HYKK: variants seen among roughly 807,000 people sequenced by gnomAD.
HYKK encodes 5-hydroxy-L-lysine kinase.
HYKK carries 19 observed loss-of-function variants against 29.7 expected under a neutral mutation model. That is an observed-to-expected ratio of 0.64 (90% CI 0.45 to 0.94). The LOEUF is 0.94. HYKK is among the 40% of genes least tolerant of loss of function. The probability of loss-of-function intolerance (pLI) is 0.00; values close to 1 mark genes in which losing one functional copy is unlikely to be tolerated. For synonymous variants in HYKK, 152 were observed against 158.1 expected (o/e 0.96, Z 0.29); for missense variants, 390 against 443.4 (o/e 0.88, Z 1.08).
intron 1 of HYKK, among the ~76,000 whole-genome samples, chr15:78,511,580 T>G (rs1207473030): frequency 1.3e-5 from 2 of 151,934 alleles, no homozygotes; most frequent in African/African-American, 4.8e-5. Context: ...ATACAAAAAA[T>G]TAGCCTGATA....
chr15:78,533,171 T>A, intron 4 of HYKK, 39 bp from the exon 5 acceptor site: 2 of 1,248,656 alleles, frequency 1.6e-6, no homozygotes, highest in Non-Finnish European at 2.3e-6. Flanking sequence ...TGAATTGGGA[T>A]ATTCAATAAC....
chr15:78,507,923 C>T (rs2052030247), intron 1 of HYKK, among the ~76,000 whole-genome samples: 1 of 152,172 alleles, frequency 6.6e-6, no homozygotes, highest in Admixed American at 6.5e-5. Context: ...GAGAAGCTGT[C>T]GAGGCCAGCC....
In HYKK at chr15:78,513,444, G is replaced by A. The variant is rs565308192; in HGVS notation, c.337+19G>A. 1.1e-5 allele frequency: 17 copies of A among 1,559,030 alleles called. No individual in the cohort carries two copies. Among genetic ancestry groups the A allele is most frequent in the South Asian group, 3.4e-5 (3 of 87,558 alleles). ...TCTGTAGGTAAGAGATGACCAATTC[G>A]CCGATCCATTACCTATCCAGACACA... is the stretch of plus-strand genomic sequence containing the variant. On this transcript the variant is annotated intron_variant, in intron 2 of 4. Transcript: ENST00000388988.
At chr15:78,518,779 G>A in intron 3 of HYKK, 1 of 321,060 alleles carries the variant, frequency 3.1e-6, no homozygotes, top group Non-Finnish European at 6.3e-6. Flanking sequence ...GCCAGGTATG[G>A]TGGCGGGCGC....
rs561121861 is a variant in HYKK, at chr15:78,525,282, A to G, written c.478-2098A>G. ...GCCATTCTCCTGCCTCAGCCTCCCAAGTAGCTGGGACTACAGGCACCCGCC... is the reference window on the plus strand; with the variant it reads ...GCCATTCTCCTGCCTCAGCCTCCCAGGTAGCTGGGACTACAGGCACCCGCC... On this transcript the variant is annotated intron_variant, in intron 3 of 4. Transcript: ENST00000388988. Among the ~76,000 whole-genome samples the G allele has an allele frequency of 1.1e-4, 17 of 151,152 alleles. No homozygotes were observed. In the East Asian group the frequency reaches 3.1e-3, roughly 28 times the overall value.
intron 1 of HYKK, among the ~76,000 whole-genome samples, chr15:78,508,580 T>C (rs2052037939): frequency 6.6e-6 from 1 of 152,050 alleles, no homozygotes. Context: ...ACTTGCTTCC[T>C]GCGGGCTTTT....
chr15:78,514,516 C>T (rs889613175), intron 2 of HYKK, among the ~76,000 whole-genome samples: 3 of 152,156 alleles, frequency 2.0e-5, no homozygotes, highest in Admixed American at 6.6e-5. Context: ...CAGTTATTGT[C>T]CTGTGTTGCA....
Position 78,533,520 on chromosome 15 carries a change from C to G in HYKK, c.972C>G (p.Cys324Trp). Residue 324 changes from cysteine (C) to tryptophan (W), a missense_variant, in exon 5 of 5, where the codon TGC becomes TGG. By Grantham distance (215) the Cys-to-Trp change is radical (BLOSUM62 -2). Transcript: ENST00000388988. ...CACTTGTCATGGCTGCATACTCTTG[C>G]CAGCTATACCCAGAGAACAAAGACT... ...CQSLVMAAYSCQLYPENKDYL... is the reference protein window; with the variant it reads ...CQSLVMAAYSWQLYPENKDYL... The G allele has an allele frequency of 1.9e-6, 3 of 1,614,086 alleles. No individual in the cohort carries two copies. Among genetic ancestry groups the G allele is most frequent in the Non-Finnish European group, 2.5e-6 (3 of 1,180,008 alleles).
At position 78,508,586 on chromosome 15, in the gene HYKK, C is replaced by CT. The variant is rs531008508; in HGVS notation, c.-6+920dup. Among the ~76,000 whole-genome samples the CT allele has an allele frequency of 2.5e-3, 386 of 152,110 alleles. 4 individuals are homozygous for CT. The highest frequency in any genetic ancestry group is 8.7e-3 in the African/African-American group (360 of 41,480). On this transcript the variant is annotated intron_variant, in intron 1 of 4. Transcript: ENST00000388988. ...GGAAATCACACTTGCTTCCTGCGGG[C>CT]TTTTTCAGGAGCTAAATACTGTTGG...
chr15:78,528,618 C>T (rs769867228), intron 4 of HYKK: 13 of 571,648 alleles, frequency 2.3e-5, no homozygotes, highest in African/African-American at 4.1e-5. Context: ...GCCTGGCCAA[C>T]GTGGTGAAAC....
chr15:78,523,022 A>G (rs1649507211), intron 3 of HYKK, among the ~76,000 whole-genome samples: 1 of 152,208 alleles, frequency 6.6e-6, no homozygotes. Context: ...ACTATTAGAG[A>G]GGCAGAGGCA....
At position 78,512,400 on chromosome 15, in the gene HYKK, C is replaced by CTT. The variant is rs902963099; in HGVS notation, c.-5-666_-5-665dup. Among the ~76,000 whole-genome samples the CTT allele has an allele frequency of 1.4e-3, 180 of 125,672 alleles. 3 individuals carry two copies. The highest frequency in any genetic ancestry group is 3.0e-3 in the African/African-American group (102 of 33,640). The allele number at this position is 125,672 out of a possible 152,430, so 82.4% of individuals were successfully genotyped here. A position where few individuals can be genotyped will look rare whatever the true frequency, so the allele number is the denominator to read the frequency against. On this transcript the variant is annotated intron_variant, in intron 1 of 4. Transcript: ENST00000388988. ...TTCTTTTTTTCTTTTTTTTCTTTTT[C>CTT]TTTTTTTTTTTTTTTTTTTGAGATG...
At chr15:78,517,075 G>GCATCA (rs1296662565) in intron 3 of HYKK, among the ~76,000 whole-genome samples, 1 of 1,784 alleles carries the variant, frequency 5.6e-4, no homozygotes, top group African/African-American at 1.8e-3. Context: ...GCTTGCATCA[G>GCATCA]GTCCTTTTCT....
intron 3 of HYKK, among the ~76,000 whole-genome samples, chr15:78,515,311 G>A (rs1298611100): frequency 6.6e-6 from 1 of 152,114 alleles, no homozygotes; most frequent in African/African-American, 2.4e-5. Context: ...GCCAGGTGTT[G>A]TGGCCCACGC....
intron 3 of HYKK, among the ~76,000 whole-genome samples, chr15:78,524,810 A>AAAAC (rs935560261): frequency 4.6e-5 from 7 of 152,106 alleles, no homozygotes; most frequent in Admixed American, 1.3e-4. Flanking sequence ...CTCTGCCTCA[A>AAAAC]AAACAAACAA....
intron 1 of HYKK, among the ~76,000 whole-genome samples, chr15:78,510,958 CTTTTTTT>C (rs923918603): frequency 3.3e-4 from 28 of 85,140 alleles, no homozygotes; most frequent in South Asian, 8.1e-4. Context: ...TCATGAGATT[CTTTTTTT>C]TTTTTTTTTT....
intron 2 of HYKK, among the ~76,000 whole-genome samples, chr15:78,513,870 C>T (rs1305452782): frequency 6.6e-6 from 1 of 152,186 alleles, no homozygotes; most frequent in East Asian, 1.9e-4. Flanking sequence ...CAGCTCACTG[C>T]AGCCTTGACC....
chr15:78,516,384 C>G (rs1292892257), intron 3 of HYKK, among the ~76,000 whole-genome samples: 1 of 130,570 alleles, frequency 7.7e-6, no homozygotes, highest in Admixed American at 9.6e-5. Flanking sequence ...CTCACTCTGT[C>G]TCCTAGGCTG....
chr15:78,529,218 TTCTGCGTG>T (rs1226392377), intron 4 of HYKK, among the ~76,000 whole-genome samples: 1 of 152,248 alleles, frequency 6.6e-6, no homozygotes, highest in Admixed American at 6.5e-5. Flanking sequence ...TTTTGTAAGA[TTCTGCGTG>T]TCATTGCATA....
Sources: gnomAD v4.1 joint callset for allele counts (sites outside exome capture counted in the v4.1 genomes callset) on GRCh38, gnomAD v4.1.1 for gene constraint, MANE v1.5 for transcripts, NCBI Gene and HGNC (gene_info 2026-07-23, HGNC 2026-07-21) for gene names.